The following TAF3 variants were observed in gnomAD, a reference collection of about 807,000 sequenced individuals.
The protein encoded by TAF3 is TATA-box binding protein associated factor 3.
A neutral mutation model predicts 80.6 loss-of-function variants in TAF3; 7 were observed. That is an observed-to-expected ratio of 0.09 (90% CI 0.05 to 0.16). The LOEUF (loss-of-function observed/expected upper bound fraction) is 0.16. Among genes scored for constraint, TAF3 ranks in the 10% least tolerant of loss-of-function variants. The probability of loss-of-function intolerance (pLI) is 1.00; values close to 1 mark genes in which losing one functional copy is unlikely to be tolerated. For synonymous variants in TAF3, 444 were observed against 446.1 expected, an observed-to-expected ratio of 1.00 and a Z score of 0.06; for missense variants, 921 against 1,140.2, an observed-to-expected ratio of 0.81 and a Z score of 2.77.
intron 2 of TAF3, among the ~76,000 whole-genome samples, chr10:7,825,792 C>T (rs543671342): frequency 7.9e-5 from 12 of 152,228 alleles, no homozygotes; most frequent in South Asian, 2.1e-4. Flanking sequence ...TGATTAATGC[C>T]GCTATGAACA....
At chr10:7,842,176 GT>G (rs1167047923) in intron 2 of TAF3, among the ~76,000 whole-genome samples, 19 of 62,176 alleles carry the variant, frequency 3.1e-4, no homozygotes, top group African/African-American at 4.3e-4. Flanking sequence ...TTTTTTTTTT[GT>G]TTTTTTTTTT....
chr10:7,905,096 A>G (rs1333967223), intron 2 of TAF3, among the ~76,000 whole-genome samples: 1 of 152,150 alleles, frequency 6.6e-6, no homozygotes, highest in Non-Finnish European at 1.5e-5. Context: ...ATTTTCTTTG[A>G]GAATGTGAAG....
intron 3 of TAF3, chr10:7,975,232 AC>A (rs1279931018): frequency 6.8e-5 from 12 of 176,792 alleles, no homozygotes; most frequent in Admixed American, 1.3e-4. Flanking sequence ...TAGGGAATTG[AC>A]AGAGCTCTCC....
intron 2 of TAF3, among the ~76,000 whole-genome samples, chr10:7,923,769 A>C (rs534577250): frequency 6.6e-6 from 1 of 152,240 alleles, no homozygotes; most frequent in South Asian, 2.1e-4. Flanking sequence ...ATATTGCTAT[A>C]GTTGATCATC....
intron 2 of TAF3, among the ~76,000 whole-genome samples, chr10:7,855,012 T>G (rs368935581): frequency 1.3e-4 from 20 of 152,202 alleles, no homozygotes; most frequent in South Asian, 2.1e-4. Context: ...TTTTAAGGTG[T>G]TGTTGTAGTT....
At chr10:7,903,729 T>A (rs568000442) in intron 2 of TAF3, among the ~76,000 whole-genome samples, 1 of 152,320 alleles carries the variant, frequency 6.6e-6, no homozygotes, top group African/African-American at 2.4e-5. Flanking sequence ...CCTTTGAATT[T>A]AATCATCTTT....
chr10:7,906,484 T>C (rs1051452234), intron 2 of TAF3, among the ~76,000 whole-genome samples: 5 of 152,098 alleles, frequency 3.3e-5, no homozygotes, highest in Non-Finnish European at 5.9e-5. Flanking sequence ...AAACCTCTCT[T>C]CTTTCGGAGG....
intron 2 of TAF3, among the ~76,000 whole-genome samples, chr10:7,931,948 G>C (rs1170884935): frequency 2.0e-5 from 3 of 152,188 alleles, no homozygotes; most frequent in Admixed American, 2.0e-4. Context: ...ACTGGGTCTT[G>C]AGGAGTACAA....
At chr10:7,873,580 G>A (rs1047878080) in intron 2 of TAF3, among the ~76,000 whole-genome samples, 1 of 148,030 alleles carries the variant, frequency 6.8e-6, no homozygotes, top group Admixed American at 6.8e-5. Context: ...AGTTTCTTTG[G>A]TGTTATGGAT....
intron 2 of TAF3, among the ~76,000 whole-genome samples, chr10:7,884,982 A>C (rs1837395582): frequency 7.0e-6 from 1 of 142,812 alleles, no homozygotes; most frequent in African/African-American, 2.5e-5. Flanking sequence ...TCTGGAGTTT[A>C]ATTTTTGTTC....
chr10:7,844,697 A>C (rs773902106), intron 2 of TAF3, among the ~76,000 whole-genome samples: 1 of 151,974 alleles, frequency 6.6e-6, no homozygotes, highest in Non-Finnish European at 1.5e-5. Context: ...TTTTTAGTCT[A>C]TGCCTGTCTT....
At chr10:7,977,370 C>A in intron 4 of TAF3, 47 bp downstream of exon 4, 1 of 1,564,818 alleles carries the variant, frequency 6.4e-7, no homozygotes, top group Non-Finnish European at 8.8e-7. Flanking sequence ...GAAATTTAAC[C>A]TTCTCTACTC....
intron 2 of TAF3, among the ~76,000 whole-genome samples, chr10:7,866,807 A>T (rs974363449): frequency 3.3e-5 from 5 of 152,194 alleles, no homozygotes; most frequent in African/African-American, 1.2e-4. Context: ...ATCAGGTTAA[A>T]TAAAGCTTAG....
intron 2 of TAF3, among the ~76,000 whole-genome samples, chr10:7,842,145 A>G (rs1276931203): frequency 1.4e-5 from 2 of 145,096 alleles, no homozygotes; most frequent in African/African-American, 5.1e-5. Flanking sequence ...ATATTGAATT[A>G]ATATTGTTTT....
chr10:8,001,271 G>T (rs796433303), intron 4 of TAF3, among the ~76,000 whole-genome samples: 10 of 152,160 alleles, frequency 6.6e-5, no homozygotes, highest in African/African-American at 2.2e-4. Context: ...CTTTCCCCTA[G>T]CCTGACAGTA....
At chr10:7,837,746 T>C (rs2131111153) in intron 2 of TAF3, among the ~76,000 whole-genome samples, 1 of 151,950 alleles carries the variant, frequency 6.6e-6, no homozygotes, top group East Asian at 1.9e-4. Flanking sequence ...ATCACTTGAG[T>C]CTGGGAGGTT....
intron 3 of TAF3, among the ~76,000 whole-genome samples, chr10:7,974,532 CTG>C (rs1263657200): frequency 1.3e-5 from 2 of 152,026 alleles, no homozygotes; most frequent in Non-Finnish European, 2.9e-5. Flanking sequence ...ACTAAAGAAA[CTG>C]TAGCATGACA....
At chr10:7,826,912 G>T (rs1416804165) in intron 2 of TAF3, among the ~76,000 whole-genome samples, 1 of 152,164 alleles carries the variant, frequency 6.6e-6, no homozygotes, top group Non-Finnish European at 1.5e-5. Context: ...GGTGCAAAGT[G>T]AGGTACAGAG....
At chr10:8,007,685 G>A (rs77217414) in intron 4 of TAF3, among the ~76,000 whole-genome samples, 2,165 of 145,416 alleles carry the variant, frequency 0.015, 60 homozygotes, top group African/African-American at 0.052. Context: ...GCTGCCACCC[G>A]TTTACTCAAA....
Sources: gnomAD v4.1 joint callset for allele counts (sites outside exome capture counted in the v4.1 genomes callset) on GRCh38, gnomAD v4.1.1 for gene constraint, MANE v1.5 for transcripts, NCBI Gene and HGNC (gene_info 2026-07-23, HGNC 2026-07-21) for gene names.